The following WSCD2 variants were observed in gnomAD, a reference collection of about 807,000 sequenced individuals.
The protein encoded by WSCD2 is sialate:O-sulfotransferase 2.
WSCD2 carries 28 observed loss-of-function variants against 55.7 expected under a neutral mutation model. The ratio of observed to expected loss-of-function variants is 0.50; its 90% confidence interval spans 0.37 to 0.69. WSCD2 has a LOEUF of 0.69. Among genes scored for constraint, WSCD2 ranks in the 30% least tolerant of loss-of-function variants. The pLI is 0.00. For missense variants in WSCD2, 616 were observed against 762.1 expected (o/e 0.81, Z 2.26); for synonymous variants, 301 against 301.9 (o/e 1.00, Z 0.03).
chr12:108,144,383 G>A (rs1351016706), intron 1 of WSCD2, among the ~76,000 whole-genome samples: 9 of 152,182 alleles, frequency 5.9e-5, no homozygotes, highest in Non-Finnish European at 1.0e-4. Flanking sequence ...AGCGAGAATG[G>A]CTGCTTCGAA....
chr12:108,206,142 T>C, intron 2 of WSCD2, 147 bp from the exon 3 acceptor site: 2 of 685,818 alleles, frequency 2.9e-6, no homozygotes, highest in Non-Finnish European at 5.1e-6. Context: ...GACAAATGAC[T>C]TTCACTCTCT....
At chr12:108,169,788 G>T (rs1002491186) in intron 1 of WSCD2, among the ~76,000 whole-genome samples, 1 of 152,170 alleles carries the variant, frequency 6.6e-6, no homozygotes, top group African/African-American at 2.4e-5. Flanking sequence ...TACCTCCCTG[G>T]GTGAGAGGAA....
At chr12:108,147,737 G>A (rs1277417676) in intron 1 of WSCD2, among the ~76,000 whole-genome samples, 1 of 152,040 alleles carries the variant, frequency 6.6e-6, no homozygotes. Flanking sequence ...AAATTAGCCG[G>A]GTGTGGTGTT....
intron 1 of WSCD2, chr12:108,189,754 G>A (rs974092499): frequency 2.0e-5 from 3 of 152,052 alleles, no homozygotes; most frequent in East Asian, 1.9e-4. Flanking sequence ...AAAAACTAGC[G>A]CTTTCACTCC....
Position 108,129,307 on chromosome 12 carries a change from G to T in WSCD2, c.-1171G>T, listed in dbSNP as rs1365670338. Among the ~76,000 whole-genome samples, 2 of 152,116 alleles carry T rather than the reference G, an allele frequency of 1.3e-5. No individual in the cohort carries two copies. The highest frequency in any genetic ancestry group is 2.9e-5 in the Non-Finnish European group (2 of 67,992). The stretch of plus-strand genomic sequence containing the variant: ...CGGGCTGAGGCGCGCTGCTGGTGGC[G>T]GCGGCGGCAGCGGCGCGGGAGCTAG... On this transcript the variant is annotated 5_prime_UTR_variant, in exon 1 of 9. Transcript: ENST00000547525.
At position 108,235,423 on chromosome 12, in the gene WSCD2, G is replaced by A. The variant is rs191789152; in HGVS notation, c.1144+2528G>A. 4.8e-4 allele frequency among the ~76,000 whole-genome samples: 73 copies of A among 152,136 alleles called. 2 individuals carry two copies. Among genetic ancestry groups the A allele is most frequent in the South Asian group, 2.7e-3 (13 of 4,814 alleles). On this transcript the variant is annotated intron_variant, in intron 7 of 8. Transcript: ENST00000547525. Reference sequence around the variant, plus strand: ...CCATTTCCATCAGACTGTCAGGAGCGGGCCCAGGCATGGGTGTTTTCTATA... The same window carrying A: ...CCATTTCCATCAGACTGTCAGGAGCAGGCCCAGGCATGGGTGTTTTCTATA...
chr12:108,152,224 A>G (rs867980009), intron 1 of WSCD2, among the ~76,000 whole-genome samples: 18 of 152,226 alleles, frequency 1.2e-4, no homozygotes, highest in Admixed American at 3.3e-4. Context: ...CTCCAGTTTC[A>G]GAGATTTTTA....
At chr12:108,235,202 T>G (rs1268807267) in intron 7 of WSCD2, among the ~76,000 whole-genome samples, 1 of 152,174 alleles carries the variant, frequency 6.6e-6, no homozygotes, top group Non-Finnish European at 1.5e-5. Context: ...AACTCAAAGA[T>G]TTTCCAAAAA....
rs1883886545 is a variant in WSCD2, at chr12:108,196,101, G to A, written c.269G>A (p.Gly90Glu). The change falls in exon 2 of 9, where the codon GGA becomes GAA. Residue 90 changes from glycine (G) to glutamate (E), a missense_variant. Coordinates refer to ENST00000547525, the MANE Select transcript of WSCD2 (RefSeq NM_014653.4). ...GEASSIARRY[G>E]PWFKGKDGNE... ...GCCTCAAGCATTGCTCGCAGGTACGGACCCTGGTTCAAGGGCAAGGATGGG... is the reference window on the plus strand; with the variant it reads ...GCCTCAAGCATTGCTCGCAGGTACGAACCCTGGTTCAAGGGCAAGGATGGG... The A allele has an allele frequency of 6.2e-7, 1 of 1,614,158 alleles. No individual in the cohort carries two copies. Among genetic ancestry groups the A allele is most frequent in the Non-Finnish European group, 8.5e-7 (1 of 1,180,028 alleles).
intron 1 of WSCD2, among the ~76,000 whole-genome samples, chr12:108,180,737 C>A (rs1382962537): frequency 6.6e-6 from 1 of 152,268 alleles, no homozygotes; most frequent in African/African-American, 2.4e-5. Flanking sequence ...CCAACTCTCA[C>A]AACTACCCAG....
At position 108,248,437 on chromosome 12, in the gene WSCD2, C is replaced by G; in HGVS notation, c.*94C>G. The G allele has an allele frequency of 6.7e-7, 1 of 1,484,754 alleles. No homozygotes were observed. The allele number at this position is 1,484,754 out of a possible 1,614,324, so 92.0% of individuals were successfully genotyped here. A position where few individuals can be genotyped will look rare whatever the true frequency, so the allele number is the denominator to read the frequency against. The stretch of plus-strand genomic sequence containing the variant: ...GGTTACCCCCACTCATCTGTCCTCT[C>G]TTTGGTCTGGGGACAATCCCCTTGG... On this transcript the variant is annotated 3_prime_UTR_variant, in exon 9 of 9. Coordinates refer to ENST00000547525, the MANE Select transcript of WSCD2 (RefSeq NM_014653.4). This position sits in a 1 kb window ranked among gnomAD's most constrained non-coding sequence, Gnocchi z 4.3.
chr12:108,187,169 G>A (rs2162290), intron 1 of WSCD2, among the ~76,000 whole-genome samples: 113,127 of 152,002 alleles, frequency 0.74, 43,358 homozygotes, highest in East Asian at 0.9. Context: ...ATTATCCACC[G>A]GCAGTGCCAG....
intron 1 of WSCD2, among the ~76,000 whole-genome samples, chr12:108,130,475 GGTGTGTGTGTGT>G (rs559546028): frequency 0.028 from 3,708 of 134,486 alleles, 122 homozygotes; most frequent in African/African-American, 0.082. Flanking sequence ...TCCATTCTGG[GGTGTGTGTGTGT>G]GTGTGTGTGT....
intron 1 of WSCD2, among the ~76,000 whole-genome samples, chr12:108,149,182 C>T (rs1397795139): frequency 6.6e-6 from 1 of 152,132 alleles, no homozygotes; most frequent in Non-Finnish European, 1.5e-5. Flanking sequence ...TCTCCCTGGC[C>T]CAGTGGGATG....
At chr12:108,187,940 C>T (rs994984481) in intron 1 of WSCD2, among the ~76,000 whole-genome samples, 2 of 152,088 alleles carry the variant, frequency 1.3e-5, no homozygotes, top group African/African-American at 4.8e-5. Flanking sequence ...CTGCAACAAG[C>T]GAAGATGGCT....
At chr12:108,160,560 AC>A (rs1018111830) in intron 1 of WSCD2, among the ~76,000 whole-genome samples, 1 of 152,136 alleles carries the variant, frequency 6.6e-6, no homozygotes, top group African/African-American at 2.4e-5. Context: ...TTAAACAGCA[AC>A]CAGATCTTAT....
At position 108,166,902 on chromosome 12, in the gene WSCD2, C is replaced by T. The variant is rs1367896041; in HGVS notation, c.-551-28380C>T. ...TCTTGGCTCACTGCAACCTCCGCCT[C>T]CCGGATCCAAGTGATTCTCCTGCCT... On this transcript the variant is annotated intron_variant, in intron 1 of 8. Coordinates refer to ENST00000547525, the MANE Select transcript of WSCD2 (RefSeq NM_014653.4). Among the ~76,000 whole-genome samples, 2 of 151,146 alleles carry T rather than the reference C, an allele frequency of 1.3e-5. 1 individual carries two copies. The highest frequency in any genetic ancestry group is 4.9e-5 in the African/African-American group (2 of 41,118).
chr12:108,244,226 C>T (rs541614194), intron 8 of WSCD2, among the ~76,000 whole-genome samples: 2 of 152,282 alleles, frequency 1.3e-5, no homozygotes, highest in Admixed American at 1.3e-4. Context: ...AGTTTGCAGA[C>T]AGCAATCAAT....
rs1454606097 is a variant in WSCD2 at position 108,249,669 on chromosome 12, G to T, written c.*1326G>T. 2 of 152,662 alleles carry T rather than the reference G, an allele frequency of 1.3e-5. No individual in the cohort carries two copies. Among genetic ancestry groups the T allele is most frequent in the Non-Finnish European group, 2.9e-5 (2 of 68,060 alleles). The allele number at this position is 152,662 out of a possible 1,614,324, so 9.5% of individuals were successfully genotyped here. A position where few individuals can be genotyped will look rare whatever the true frequency, so the allele number is the denominator to read the frequency against. On this transcript the variant is annotated 3_prime_UTR_variant, in exon 9 of 9. Coordinates refer to ENST00000547525, the MANE Select transcript of WSCD2 (RefSeq NM_014653.4). The stretch of plus-strand genomic sequence containing the variant: ...AGCCTCCCTAGGCAGTCCCTCTGAA[G>T]CCTTGGAGTGCAGGTAAATGCTCAT...
Sources: gnomAD v4.1 joint callset for allele counts (sites outside exome capture counted in the v4.1 genomes callset) on GRCh38, gnomAD v4.1.1 for gene constraint, Gnocchi (gnomAD v3.1) non-coding constraint, MANE v1.5 for transcripts, NCBI Gene and HGNC (gene_info 2026-07-23, HGNC 2026-07-21) for gene names.